CDH23: variants seen among roughly 807,000 people sequenced by gnomAD.
CDH23 encodes the protein cadherin-23.
In CDH23, 189 loss-of-function variants were observed where a neutral mutation model predicts 317.1. The ratio of observed to expected loss-of-function variants is 0.60; its 90% CI spans 0.53 to 0.67. CDH23 has a LOEUF of 0.67. Among genes scored for constraint, CDH23 ranks in the 30% least tolerant of loss-of-function variants. The pLI is 0.00. For missense variants in CDH23, 4,401 were observed against 4,592.4 expected, an observed-to-expected ratio of 0.96 and a Z score of 1.20; for synonymous variants, 1,839 against 1,876.8, an observed-to-expected ratio of 0.98 and a Z score of 0.52.
intron 6 of CDH23, among the ~76,000 whole-genome samples, chr10:71,558,074 T>G (rs1371127197): frequency 1.6e-5 from 2 of 128,054 alleles, no homozygotes; most frequent in African/African-American, 6.2e-5. Context: ...CTTGGCTCAC[T>G]GCAACATCTC....
chr10:71,634,038 G>A (rs563389412), intron 11 of CDH23, among the ~76,000 whole-genome samples: 4 of 152,370 alleles, frequency 2.6e-5, no homozygotes, highest in African/African-American at 9.6e-5. Flanking sequence ...TGGGAAGAGG[G>A]AAATCATTTT....
rs979343566 is a variant in CDH23, at chr10:71,800,641, C to A, written c.7368C>A (p.Asp2456Glu). 2 of 1,613,818 alleles carry A rather than the reference C, an allele frequency of 1.2e-6. No homozygotes were observed. Among genetic ancestry groups the A allele is most frequent in the African/African-American group, 2.7e-5 (2 of 74,916 alleles). Reference protein sequence around the residue: ...SKFAINPTTGDIYVLSSLDRE... With the variant: ...SKFAINPTTGEIYVLSSLDRE... ...AGCCACCCTCCCCCTACTAGGGTGACATCTATGTGCTGTCTTCTCTGGACC... is the reference window on the plus strand; with the variant it reads ...AGCCACCCTCCCCCTACTAGGGTGAAATCTATGTGCTGTCTTCTCTGGACC... Residue 2456 changes from aspartate to glutamate, a missense_variant, in exon 53 of 70, where the codon GAC becomes GAA. Around this residue, in one of 3 missense-constraint regions of CDH23, gnomAD observed 189 missense variants for 250.9 expected, o/e 0.75. Coordinates refer to ENST00000224721, the MANE Select transcript of CDH23 (RefSeq NM_022124.6).
chr10:71,675,548 T>G, intron 15 of CDH23, among the ~76,000 whole-genome samples: 1 of 152,210 alleles, frequency 6.6e-6, no homozygotes, highest in Non-Finnish European at 1.5e-5. Context: ...TCACAGGCAT[T>G]GTCTTGTGTC....
intron 25 of CDH23, among the ~76,000 whole-genome samples, chr10:71,705,457 A>G (rs375670312): frequency 6.6e-6 from 1 of 152,320 alleles, no homozygotes; most frequent in South Asian, 2.1e-4. Flanking sequence ...CCTCAGGGTC[A>G]TGAACAGGCA....
chr10:71,681,784 T>G (rs1227097), intron 17 of CDH23, among the ~76,000 whole-genome samples: 53,861 of 152,100 alleles, frequency 0.35, 10,180 homozygotes, highest in South Asian at 0.49. Context: ...AAGAAATTTT[T>G]TTAAATGAAA....
intron 60 of CDH23, 67 bp downstream of exon 60, chr10:71,808,074 T>TG: frequency 2.0e-6 from 3 of 1,533,816 alleles, no homozygotes; most frequent in South Asian, 1.2e-5. Flanking sequence ...GACTGTCATC[T>TG]GGGGGGAGAT....
In CDH23 at chr10:71,725,534, C is replaced by T. The variant is rs368179247; in HGVS notation, c.3579+14C>T. 17 of 1,609,260 alleles carry T rather than the reference C, an allele frequency of 1.1e-5. No homozygotes were observed. Among genetic ancestry groups the T allele is most frequent in the African/African-American group, 9.4e-5 (7 of 74,818 alleles). On this transcript the variant is annotated intron_variant, in intron 30 of 69. Coordinates refer to ENST00000224721, the MANE Select transcript of CDH23 (RefSeq NM_022124.6). Reference sequence around the variant, plus strand: ...AGCTCCGTCAGGGTGAGGCTAGGGGCGGGCTGGGGTGCTGACCTCAGGACG... The same window carrying T: ...AGCTCCGTCAGGGTGAGGCTAGGGGTGGGCTGGGGTGCTGACCTCAGGACG...
Position 71,690,448 on chromosome 10 carries a change from C to G in CDH23, c.2060-20C>G. On this transcript the variant is annotated intron_variant, in intron 19 of 69. Transcript: ENST00000224721. ...CCAGGGTGAGCAGCACCCCCTGCCC[C>G]CACCTTTTTCCCCCTGAAGGAGCCA... is the stretch of plus-strand genomic sequence containing the variant. The G allele has an allele frequency of 6.4e-7, 1 of 1,563,912 alleles. No individual in the cohort carries two copies. The highest frequency in any genetic ancestry group is 8.7e-7 in the Non-Finnish European group (1 of 1,149,604).
intron 3 of CDH23, among the ~76,000 whole-genome samples, chr10:71,450,516 C>T (rs1449961743): frequency 6.6e-6 from 1 of 152,170 alleles, no homozygotes; most frequent in Non-Finnish European, 1.5e-5. Flanking sequence ...GATCCACCCA[C>T]CTCAGCCTCC....
At chr10:71,793,732 T>C in intron 48 of CDH23, 92 bp downstream of exon 48, 1 of 990,002 alleles carries the variant, frequency 1.0e-6, no homozygotes, top group Non-Finnish European at 1.4e-6. Context: ...TTTCTCTTTC[T>C]TTGCTGTTCC....
rs552371882 is a variant in CDH23, at chr10:71,739,926, G to A, written c.4488+154G>A. ...AACATGGGGCCAGCTGCACCCATCGGGGCCAAGAGCACAGTGAGGCTGACC... is the reference window on the plus strand; with the variant it reads ...AACATGGGGCCAGCTGCACCCATCGAGGCCAAGAGCACAGTGAGGCTGACC... On this transcript the variant is annotated intron_variant, in intron 36 of 69. Coordinates refer to ENST00000224721, the MANE Select transcript of CDH23 (RefSeq NM_022124.6). Among the ~76,000 whole-genome samples, 2 of 152,340 alleles carry A rather than the reference G, an allele frequency of 1.3e-5. 1 individual carries two copies. Among genetic ancestry groups the A allele is most frequent in the South Asian group, 4.1e-4 (2 of 4,824 alleles).
chr10:71,472,623 G>A (rs931769055), intron 3 of CDH23, among the ~76,000 whole-genome samples: 2 of 152,176 alleles, frequency 1.3e-5, no homozygotes, highest in Admixed American at 6.5e-5. Flanking sequence ...CTCTGCCCTC[G>A]CCCTTTGGCC....
At chr10:71,555,197 G>A (rs1371015800) in intron 6 of CDH23, among the ~76,000 whole-genome samples, 1 of 152,144 alleles carries the variant, frequency 6.6e-6, no homozygotes, top group African/African-American at 2.4e-5. Context: ...CCCATTTCAT[G>A]GAGAGGAAAA....
intron 38 of CDH23, chr10:71,753,898 C>T (rs749140117): frequency 2.0e-5 from 9 of 456,172 alleles, no homozygotes; most frequent in African/African-American, 4.0e-5. Flanking sequence ...CAGGTGCACA[C>T]GGGTATTCCC....
intron 28 of CDH23, chr10:71,716,110 G>A (rs577026782): frequency 1.3e-6 from 2 of 1,544,664 alleles, no homozygotes; most frequent in African/African-American, 2.7e-5. Context: ...CAGGGTGGTG[G>A]GGCATGCACT....
At chr10:71,704,490 A>G (rs1376514088) in intron 24 of CDH23, among the ~76,000 whole-genome samples, 2 of 152,218 alleles carry the variant, frequency 1.3e-5, no homozygotes. Context: ...AATCAAAGCA[A>G]AGCGGGGCAG....
chr10:71,605,992 C>T (rs1860508524), intron 9 of CDH23, among the ~76,000 whole-genome samples: 1 of 152,236 alleles, frequency 6.6e-6, no homozygotes, highest in South Asian at 2.1e-4. Flanking sequence ...GGGGCCGCCT[C>T]TCTGAGGCTT....
In CDH23 at chr10:71,435,891, C is replaced by T. The variant is rs1849594800; in HGVS notation, c.-5-3936C>T. Among the ~76,000 whole-genome samples, 3 of 152,384 alleles carry T rather than the reference C, an allele frequency of 2.0e-5. No individual in the cohort carries two copies. The South Asian group carries it at 6.2e-4, about 32-fold the overall frequency. On this transcript the variant is annotated intron_variant, in intron 1 of 69. Coordinates refer to ENST00000224721, the MANE Select transcript of CDH23 (RefSeq NM_022124.6). Reference sequence around the variant, plus strand: ...GCAGGCAAAGCAGCATCCCTCACCACACTGAGGCTGGAGGTCAGGGCTTAG... The same window carrying T: ...GCAGGCAAAGCAGCATCCCTCACCATACTGAGGCTGGAGGTCAGGGCTTAG...
At chr10:71,459,030 C>T (rs1850839832) in intron 3 of CDH23, among the ~76,000 whole-genome samples, 1 of 151,386 alleles carries the variant, frequency 6.6e-6, no homozygotes, top group South Asian at 2.1e-4. Flanking sequence ...TGTGATCCAG[C>T]CCGCCCTGGC....
Sources: gnomAD v4.1 joint callset for allele counts (sites outside exome capture counted in the v4.1 genomes callset) on GRCh38, gnomAD v4.1.1 for gene constraint, gnomAD v4.1.1 regional missense constraint, MANE v1.5 for transcripts, NCBI Gene and HGNC (gene_info 2026-07-23, HGNC 2026-07-21) for gene names.